ACSL5: variants seen among roughly 807,000 people sequenced by gnomAD.
ACSL5 encodes the protein acyl-CoA synthetase long chain family member 5.
A neutral mutation model predicts 84.9 loss-of-function variants in ACSL5; 50 were observed. That is an observed-to-expected ratio of 0.59 (90% CI 0.47 to 0.75). The LOEUF (loss-of-function observed/expected upper bound fraction) is 0.75. Ranked by LOEUF, ACSL5 falls within the 30% of genes least tolerant of loss-of-function variation. ACSL5 has a pLI of 0.00. For synonymous variants in ACSL5, 280 were observed against 300.7 expected (o/e 0.93, Z 0.71); for missense variants, 775 against 830.4 (o/e 0.93, Z 0.82).
At chr10:112,418,059 A>C in intron 14 of ACSL5, 118 bp downstream of exon 14, 1 of 782,484 alleles carries the variant, frequency 1.3e-6, no homozygotes, top group Non-Finnish European at 2.0e-6. Context: ...CTAAATTCTC[A>C]AAATCCAAAG....
rs761630440 is a variant in ACSL5 at position 112,413,293 on chromosome 10, A to G, written c.1069A>G (p.Arg357Gly). 6 of 1,614,082 alleles carry G rather than the reference A, an allele frequency of 3.7e-6. No homozygotes were observed. The highest frequency in any genetic ancestry group is 2.5e-6 in the Non-Finnish European group (3 of 1,180,022). ...TCCCGCGGTGCCTCGACTCCTTAAC[A>G]GGATCTACGATAAGGTACTAACTTT... is the stretch of plus-strand genomic sequence containing the variant. ...LFPAVPRLLN[R>G]IYDKVQNEAK... Residue 357 changes from arginine to glycine, a missense_variant, in exon 12 of 21, where the codon AGG becomes GGG. Physicochemically the swap from Arg to Gly is moderately radical, Grantham distance 125 (BLOSUM62 -2). Transcript: ENST00000354655.
chr10:112,408,707 C>A, intron 6 of ACSL5, 186 bp downstream of exon 6: 1 of 549,490 alleles, frequency 1.8e-6, no homozygotes, highest in Non-Finnish European at 3.3e-6. Flanking sequence ...ACAAAAAGCC[C>A]ATGAAGCAGA....
At chr10:112,379,899 A>G (rs1849316072) in intron 1 of ACSL5, among the ~76,000 whole-genome samples, 1 of 152,210 alleles carries the variant, frequency 6.6e-6, no homozygotes, top group Admixed American at 6.5e-5. Context: ...CTGATTCTGC[A>G]GAAAACTAAG....
intron 11 of ACSL5, chr10:112,412,456 T>C (rs1307359825): frequency 6.3e-6 from 1 of 158,004 alleles, no homozygotes; most frequent in African/African-American, 2.4e-5. Context: ...AAGGTGGTGC[T>C]GTCAGCATGG....
At chr10:112,415,575 T>C (rs1844296467) in intron 12 of ACSL5, among the ~76,000 whole-genome samples, 1 of 152,246 alleles carries the variant, frequency 6.6e-6, no homozygotes, top group African/African-American at 2.4e-5. Context: ...AAGAATGGCA[T>C]GATGCAGGAA....
chr10:112,414,051 C>T (rs1844254316), intron 12 of ACSL5, among the ~76,000 whole-genome samples: 1 of 152,100 alleles, frequency 6.6e-6, no homozygotes, highest in Admixed American at 6.5e-5. Flanking sequence ...AGGGGTAGGG[C>T]AGAATTAAGC....
At chr10:112,425,964 G>A (rs1383277776) in intron 18 of ACSL5, among the ~76,000 whole-genome samples, 1 of 152,176 alleles carries the variant, frequency 6.6e-6, no homozygotes, top group African/African-American at 2.4e-5. Flanking sequence ...GTGCTTAAAT[G>A]TAGCTTTTAG....
chr10:112,377,921 A>G (rs2133555187), intron 1 of ACSL5, among the ~76,000 whole-genome samples: 1 of 152,370 alleles, frequency 6.6e-6, no homozygotes, highest in South Asian at 2.1e-4. Flanking sequence ...ATGCATTCAA[A>G]TTTAATTATT....
intron 3 of ACSL5, among the ~76,000 whole-genome samples, chr10:112,401,084 G>A (rs550554020): frequency 8.0e-4 from 122 of 152,194 alleles, no homozygotes; most frequent in Admixed American, 1.4e-3. Context: ...AGGCATGGTG[G>A]TGGTGCCTGT....
Position 112,418,002 on chromosome 10 carries a change from T to C in ACSL5, c.1314+61T>C, listed in dbSNP as rs967985257. The stretch of plus-strand genomic sequence containing the variant: ...TACTTTTGCACAAACAGGCTCACTG[T>C]TTAAATAAAAATGAAAACAACTAAA... On this transcript the variant is annotated intron_variant, in intron 14 of 20. Coordinates refer to ENST00000354655, the MANE Select transcript of ACSL5 (RefSeq NM_203379.2). 4.5e-6 allele frequency: 6 copies of C among 1,324,054 alleles called. No individual in the cohort carries two copies. In the Admixed American group the frequency reaches 7.5e-5, roughly 16 times the overall value. 82.0% of individuals were successfully genotyped at this position (1,324,054 alleles called of 1,614,324 possible). A position where few individuals can be genotyped will look rare whatever the true frequency, so the allele number is the denominator to read the frequency against.
chr10:112,415,464 A>C (rs1389666643), intron 12 of ACSL5, among the ~76,000 whole-genome samples: 1 of 152,196 alleles, frequency 6.6e-6, no homozygotes, highest in African/African-American at 2.4e-5. Context: ...CTTTATTAGC[A>C]CACGTCTCTA....
chr10:112,393,327 C>T (rs1386025721), intron 1 of ACSL5, among the ~76,000 whole-genome samples: 1 of 152,070 alleles, frequency 6.6e-6, no homozygotes, highest in African/African-American at 2.4e-5. Context: ...GACTATTATC[C>T]CAGTTTCTGG....
intron 15 of ACSL5, 122 bp from the exon 16 acceptor site, chr10:112,421,825 A>T: frequency 1.5e-6 from 2 of 1,308,602 alleles, no homozygotes; most frequent in Non-Finnish European, 2.2e-6. Context: ...GCTAGTCTGC[A>T]TTGGTGCCAG....
chr10:112,386,181 C>CTTTT lies in ACSL5; in HGVS notation c.-29-8710_-29-8707dup, dbSNP rs11286757. ...TGACCAATAGAAAACTCCTATAGCT[C>CTTTT]TTTTTTTTTTTTTTTTTTTTTTTTT... On this transcript the variant is annotated intron_variant, in intron 1 of 20. Transcript: ENST00000354655. 4.6e-4 allele frequency among the ~76,000 whole-genome samples: 33 copies of CTTTT among 71,832 alleles called. 2 individuals carry two copies. Among genetic ancestry groups the CTTTT allele is most frequent in the African/African-American group, 7.9e-4 (14 of 17,756 alleles). 47.1% of individuals were successfully genotyped at this position (71,832 alleles called of 152,430 possible).
chr10:112,418,554 C>G (rs1844373581), intron 14 of ACSL5, among the ~76,000 whole-genome samples: 1 of 151,820 alleles, frequency 6.6e-6, no homozygotes, highest in Non-Finnish European at 1.5e-5. Flanking sequence ...TGCACTCCAG[C>G]CTGGGCAACA....
At chr10:112,422,257 T>G (rs990995272) in intron 16 of ACSL5, 68 bp from the exon 17 acceptor site, 1 of 1,379,244 alleles carries the variant, frequency 7.3e-7, no homozygotes, top group African/African-American at 1.4e-5. Context: ...AGCAGGTGTT[T>G]CATAAACTGC....
intron 13 of ACSL5, among the ~76,000 whole-genome samples, chr10:112,417,266 G>T (rs567757333): frequency 3.4e-5 from 5 of 148,810 alleles, no homozygotes; most frequent in African/African-American, 1.2e-4. Context: ...ACTTTGGGAG[G>T]CCTAGGTGGG....
chr10:112,419,448 A>T (rs1589697435), intron 14 of ACSL5: 1 of 152,316 alleles, frequency 6.6e-6, no homozygotes, highest in East Asian at 1.9e-4. Context: ...CAGGTTGAGT[A>T]TCTCCCTATT....
At chr10:112,374,934 C>T (rs988938212) in intron 1 of ACSL5, among the ~76,000 whole-genome samples, 2 of 152,088 alleles carry the variant, frequency 1.3e-5, no homozygotes, top group East Asian at 1.9e-4. Flanking sequence ...TCAGTTACCC[C>T]CTGAAATCCT....
Sources: gnomAD v4.1 joint callset for allele counts (sites outside exome capture counted in the v4.1 genomes callset) on GRCh38, gnomAD v4.1.1 for gene constraint, MANE v1.5 for transcripts, NCBI Gene and HGNC (gene_info 2026-07-23, HGNC 2026-07-21) for gene names.